PDZD7: variants seen among roughly 807,000 people sequenced by gnomAD.
PDZD7 encodes PDZ domain containing 7, also known as PDZ domain-containing protein 7.
Under a neutral mutation model 84.7 loss-of-function variants are expected in PDZD7, and 72 were observed. That is an observed-to-expected ratio of 0.85 (90% CI 0.70 to 1.03). PDZD7 has a LOEUF of 1.03. PDZD7 is among the 50% of genes least tolerant of loss of function. PDZD7 has a pLI of 0.00. For synonymous variants in PDZD7, 594 were observed against 580.7 expected (o/e 1.02, Z -0.33); for missense variants, 1,490 against 1,412.9 (o/e 1.05, Z -0.87).
In PDZD7 at chr10:101,010,638, G is replaced by T; in HGVS notation, c.2251C>A (p.Leu751Met). 6.6e-7 allele frequency: 1 copy of T among 1,505,894 alleles called. No homozygotes were observed. The highest frequency in any genetic ancestry group is 1.3e-5 in the South Asian group (1 of 79,866). 93.3% of individuals were successfully genotyped at this position (1,505,894 alleles called of 1,614,324 possible). A position where few individuals can be genotyped will look rare whatever the true frequency, so the allele number is the denominator to read the frequency against. ...TCTCGGCTCAGGGGTTCTGTCAGCA[G>T]CCAGTTAGGCCGCAGGGGCCGGGGA... ...VAPRPLRPNW[L>M]LTEPLSREHP... Residue 751 changes from leucine (L) to methionine (M), a missense_variant, in exon 15 of 17, where the codon CTG becomes ATG. Physicochemically the swap from Leu to Met is conservative, Grantham distance 15. Coordinates refer to ENST00000619208, the MANE Select transcript of PDZD7 (RefSeq NM_001195263.2).
chr10:101,013,302 C>T (rs1852463132), intron 11 of PDZD7, among the ~76,000 whole-genome samples: 2 of 152,132 alleles, frequency 1.3e-5, no homozygotes, highest in South Asian at 4.1e-4. Flanking sequence ...AAGTGCCAGG[C>T]CCTGTACTGG....
intron 15 of PDZD7, 135 bp downstream of exon 15, chr10:101,010,137 C>T (rs1197237650): frequency 9.5e-6 from 11 of 1,153,582 alleles, no homozygotes; most frequent in Admixed American, 8.9e-5. Flanking sequence ...TCAAGTGATC[C>T]GCCTGCCTCA....
intron 2 of PDZD7, 41 bp downstream of exon 2, chr10:101,029,953 A>ACCCAACCCAACC: frequency 1.4e-6 from 1 of 719,818 alleles, no homozygotes; most frequent in Non-Finnish European, 2.4e-6. Context: ...CCCTACCCCC[A>ACCCAACCCAACC]CCCTCCCCAA....
intron 9 of PDZD7, 102 bp downstream of exon 9, chr10:101,017,997 C>T: frequency 7.0e-7 from 1 of 1,433,348 alleles, no homozygotes; most frequent in Admixed American, 1.7e-5. Flanking sequence ...TGAGTAGGGA[C>T]TCAGCTGGTA....
chr10:101,024,640 G>T (rs1238740781), intron 2 of PDZD7, among the ~76,000 whole-genome samples: 2 of 151,918 alleles, frequency 1.3e-5, no homozygotes, highest in African/African-American at 4.8e-5. Context: ...CTCTAGCCAG[G>T]TGTAGTGGTG....
chr10:101,008,941 CA>C, intron 16 of PDZD7, 91 bp from the exon 17 acceptor site: 1 of 1,392,400 alleles, frequency 7.2e-7, no homozygotes, highest in South Asian at 1.5e-5. Flanking sequence ...CACCTCCACC[CA>C]TGAGGACACT....
chr10:101,018,318 G>A (rs1852832659), intron 8 of PDZD7, 22 bp from the exon 9 acceptor site: 3 of 1,612,670 alleles, frequency 1.9e-6, no homozygotes, highest in African/African-American at 2.7e-5. Flanking sequence ...AGGGAGCAAC[G>A]GGGGAGCTGG....
At chr10:101,023,651 G>T in intron 3 of PDZD7, 41 bp from the exon 4 acceptor site, 1 of 1,602,562 alleles carries the variant, frequency 6.2e-7, no homozygotes, top group Non-Finnish European at 8.5e-7. Context: ...GGTCCCCAGG[G>T]TGGGGCTGAG....
intron 14 of PDZD7, chr10:101,011,324 A>G: frequency 2.4e-6 from 1 of 418,202 alleles, no homozygotes; most frequent in South Asian, 3.4e-5. Context: ...TACAGGCGTG[A>G]GCCACCGCGC....
Position 101,030,246 on chromosome 10 carries a change from C to A in PDZD7, c.-27G>T. On this transcript the variant is annotated 5_prime_UTR_variant, in exon 2 of 17. Transcript: ENST00000619208. ...GCGGCTGGGCTAGGGCGGCACCCTA[C>A]AGGTCCAGAAGGAATCTGCTAGCTC... 3 of 1,564,434 alleles carry A rather than the reference C, an allele frequency of 1.9e-6. No individual in the cohort carries two copies. The highest frequency in any genetic ancestry group is 2.6e-6 in the Non-Finnish European group (3 of 1,156,230).
chr10:101,024,163 CT>C (rs1231734455), intron 2 of PDZD7, 95 bp from the exon 3 acceptor site: 2 of 1,584,306 alleles, frequency 1.3e-6, no homozygotes, highest in Non-Finnish European at 1.7e-6. Flanking sequence ...GGCTAGGTTG[CT>C]GGGCACAGTC....
In PDZD7 at chr10:101,017,823, A is replaced by AAAGG. The variant is rs202036244; in HGVS notation, c.1522+272_1522+275dup. The AAAGG allele has an allele frequency of 3.2e-4, 116 of 363,158 alleles. 2 individuals are homozygous for AAAGG. The highest frequency in any genetic ancestry group is 9.0e-4 in the African/African-American group (23 of 25,574). The allele number at this position is 363,158 out of a possible 1,614,324, so 22.5% of individuals were successfully genotyped here. On this transcript the variant is annotated intron_variant, in intron 9 of 16. Coordinates refer to ENST00000619208, the MANE Select transcript of PDZD7 (RefSeq NM_001195263.2). ...AGAAAGAAAAAGAAAGAAAGGAAAG[A>AAAGG]AAGGAAGGAAGGAAGGAAAGAAAGA...
intron 11 of PDZD7, 34 bp downstream of exon 11, chr10:101,015,602 G>A (rs1024635946): frequency 6.4e-5 from 98 of 1,537,238 alleles, no homozygotes; most frequent in East Asian, 5.4e-4. Context: ...CTGAAGGACC[G>A]TGTGCCAGGG....
intron 2 of PDZD7, among the ~76,000 whole-genome samples, chr10:101,029,401 G>A (rs186671664): frequency 2.6e-4 from 39 of 152,190 alleles, no homozygotes; most frequent in Admixed American, 7.2e-4. Context: ...TCCATGAAGC[G>A]GCATTAAGCA....
At chr10:101,025,758 A>G (rs1017279092) in intron 2 of PDZD7, among the ~76,000 whole-genome samples, 1 of 151,296 alleles carries the variant, frequency 6.6e-6, no homozygotes, top group Non-Finnish European at 1.5e-5. Flanking sequence ...CGTGTTGGCC[A>G]GGATTGTTTT....
chr10:101,010,533 G>C lies in PDZD7; in HGVS notation c.2356C>G (p.Arg786Gly). The change falls in exon 15 of 17, where the codon CGG becomes GGG. Residue 786 changes from arginine (R) to glycine (G), a missense_variant. Coordinates refer to ENST00000619208, the MANE Select transcript of PDZD7 (RefSeq NM_001195263.2). ...SRSRSRSRSS[R>G]GQGKSPGRRS... ...CTACCTGGAGACTTGCCTTGACCCCGGCTGCTGCGGCTGCGGCTGCGGCTA... is the reference window on the plus strand; with the variant it reads ...CTACCTGGAGACTTGCCTTGACCCCCGCTGCTGCGGCTGCGGCTGCGGCTA... The C allele has an allele frequency of 6.9e-7, 1 of 1,439,090 alleles. No homozygotes were observed. 89.1% of individuals were successfully genotyped at this position (1,439,090 alleles called of 1,614,324 possible).
intron 9 of PDZD7, chr10:101,017,832 AAGGAAG>A (rs2134037153): frequency 1.4e-5 from 5 of 354,652 alleles, no homozygotes; most frequent in Non-Finnish European, 2.3e-5. Flanking sequence ...GAAAGGAAGG[AAGGAAG>A]GAAAGAAAGA....
At chr10:101,014,422 A>T (rs1184481704) in intron 11 of PDZD7, among the ~76,000 whole-genome samples, 4 of 152,012 alleles carry the variant, frequency 2.6e-5, no homozygotes, top group African/African-American at 9.7e-5. Context: ...GGGATGAGGG[A>T]AAAGGAGCCT....
At position 101,009,306 on chromosome 10, in the gene PDZD7, C is replaced by T. The variant is rs1299236273; in HGVS notation, c.2662G>A (p.Val888Met). 1.3e-6 allele frequency: 2 copies of T among 1,536,042 alleles called. No homozygotes were observed. The highest frequency in any genetic ancestry group is 2.4e-5 in the East Asian group (1 of 40,922). The change falls in exon 16 of 17, where the codon GTG becomes ATG. Residue 888 changes from valine to methionine, a missense_variant. Physicochemically the swap from Val to Met is conservative, Grantham distance 21. Coordinates refer to ENST00000619208, the MANE Select transcript of PDZD7 (RefSeq NM_001195263.2). ...GGIESKVQPM[V>M]KIEKIFPGGA... is the part of the protein sequence containing the mutation. Reference sequence around the variant, plus strand: ...CCAGGGAAGATCTTCTCTATCTTCACCATGGGCTGCACCTTGGACTCAATG... The same window carrying T: ...CCAGGGAAGATCTTCTCTATCTTCATCATGGGCTGCACCTTGGACTCAATG...
Sources: allele counts gnomAD v4.1 joint callset (sites outside exome capture counted in the v4.1 genomes callset), GRCh38; gene constraint gnomAD v4.1.1; transcripts MANE v1.5; gene names NCBI Gene and HGNC (gene_info 2026-07-23, HGNC 2026-07-21).